ERBB4: variants seen among roughly 807,000 people sequenced by gnomAD.
The protein encoded by ERBB4 is receptor tyrosine-protein kinase erbB-4.
In ERBB4, 42 loss-of-function variants were observed where a neutral mutation model predicts 158.0. That is an observed-to-expected ratio of 0.27 (90% CI 0.21 to 0.34). The LOEUF is 0.34. Ranked by LOEUF, ERBB4 falls within the 10% of genes least tolerant of loss-of-function variation. ERBB4 has a pLI of 1.00. For synonymous variants in ERBB4, 583 were observed against 558.7 expected (o/e 1.04, Z -0.61); for missense variants, 1,333 against 1,624.1 (o/e 0.82, Z 3.08).
rs574175482 is a variant in ERBB4, at chr2:211,517,292, A to G, written c.2487+44611T>C. On this transcript the variant is annotated intron_variant, in intron 20 of 27. Coordinates refer to ENST00000342788, the MANE Select transcript of ERBB4 (RefSeq NM_005235.3). ...CCTTATCTGAAATAGTGATAATGATACCTTCTCATTCAATTTTTATAAAGT... is the reference window on the plus strand; with the variant it reads ...CCTTATCTGAAATAGTGATAATGATGCCTTCTCATTCAATTTTTATAAAGT... Among the ~76,000 whole-genome samples the G allele has an allele frequency of 1.2e-4, 19 of 152,242 alleles. No homozygotes were observed. In the East Asian group the frequency reaches 3.7e-3, roughly 29 times the overall value.
intron 2 of ERBB4, among the ~76,000 whole-genome samples, chr2:212,006,989 A>G (rs977450886): frequency 1.3e-5 from 2 of 152,042 alleles, no homozygotes; most frequent in Non-Finnish European, 2.9e-5. Context: ...TAATAATTCA[A>G]CTTCAAATGA....
intron 1 of ERBB4, among the ~76,000 whole-genome samples, chr2:212,159,652 G>C (rs929577794): frequency 6.6e-5 from 10 of 151,644 alleles, no homozygotes; most frequent in African/African-American, 2.4e-4. Flanking sequence ...ATCCTCACTG[G>C]TGCATTAATG....
chr2:212,180,672 T>A (rs914968718), intron 1 of ERBB4, among the ~76,000 whole-genome samples: 1 of 151,726 alleles, frequency 6.6e-6, no homozygotes, highest in Non-Finnish European at 1.5e-5. Context: ...TTTTCTCTAA[T>A]GTCACCAATT....
At chr2:211,844,111 CTA>C (rs1340501411) in intron 3 of ERBB4, among the ~76,000 whole-genome samples, 1 of 145,530 alleles carries the variant, frequency 6.9e-6, no homozygotes, top group Non-Finnish European at 1.5e-5. Flanking sequence ...ATTTCAAGTT[CTA>C]TGTTAGTGTG....
At chr2:211,776,205 C>T (rs2075870713) in intron 4 of ERBB4, among the ~76,000 whole-genome samples, 1 of 152,152 alleles carries the variant, frequency 6.6e-6, no homozygotes, top group Non-Finnish European at 1.5e-5. Context: ...GAGTTTTTTA[C>T]AACTTAGATG....
intron 1 of ERBB4, among the ~76,000 whole-genome samples, chr2:212,421,499 A>G (rs2091791830): frequency 1.3e-5 from 2 of 152,194 alleles, no homozygotes; most frequent in African/African-American, 4.8e-5. Context: ...CAAGTAGTAC[A>G]AAATGTTCAA....
At chr2:212,178,513 T>C (rs183517171) in intron 1 of ERBB4, among the ~76,000 whole-genome samples, 1 of 151,920 alleles carries the variant, frequency 6.6e-6, no homozygotes, top group African/African-American at 2.4e-5. Context: ...CCACTAGGTT[T>C]CAGTAACTTT....
intron 14 of ERBB4, among the ~76,000 whole-genome samples, chr2:211,668,977 C>T (rs1004258468): frequency 7.9e-5 from 12 of 152,028 alleles, no homozygotes; most frequent in Non-Finnish European, 1.6e-4. Context: ...AATCCCAGCA[C>T]TTTGGGAGGC....
chr2:211,487,825 A>G (rs372624390), intron 20 of ERBB4, among the ~76,000 whole-genome samples: 1 of 152,092 alleles, frequency 6.6e-6, no homozygotes, highest in East Asian at 1.9e-4. Flanking sequence ...GAGCTACACA[A>G]TAACCACTGG....
At chr2:212,203,609 C>A (rs996909151) in intron 1 of ERBB4, among the ~76,000 whole-genome samples, 1 of 152,168 alleles carries the variant, frequency 6.6e-6, no homozygotes, top group African/African-American at 2.4e-5. Context: ...GATGTGTGTA[C>A]ATATTTTGGC....
intron 3 of ERBB4, among the ~76,000 whole-genome samples, chr2:211,920,482 A>G (rs2079829137): frequency 6.6e-6 from 1 of 151,968 alleles, no homozygotes; most frequent in African/African-American, 2.4e-5. Flanking sequence ...TATTACTCCC[A>G]ACATACAGCC....
intron 1 of ERBB4, among the ~76,000 whole-genome samples, chr2:212,324,471 G>GT (rs66929090): frequency 0.94 from 138,350 of 146,854 alleles, 65,674 homozygotes; most frequent in African/African-American, 0.99. Flanking sequence ...AGGAGCAGCG[G>GT]GTTTTTTGTT....
rs978793661 is a variant in ERBB4 at position 211,966,972 on chromosome 2, C to T, written c.235-19356G>A. 1.7e-4 allele frequency among the ~76,000 whole-genome samples: 26 copies of T among 151,978 alleles called. 1 individual carries two copies. Among genetic ancestry groups the T allele is most frequent in the Admixed American group, 1.4e-3 (22 of 15,250 alleles). ...TATAATGGCAATGTCCTCTACAGTG[C>T]CTAACGTTATACTTTATATATAATG... On this transcript the variant is annotated intron_variant, in intron 2 of 27. Coordinates refer to ENST00000342788, the MANE Select transcript of ERBB4 (RefSeq NM_005235.3).
intron 4 of ERBB4, among the ~76,000 whole-genome samples, chr2:211,768,359 G>A (rs1343105236): frequency 6.6e-6 from 1 of 152,130 alleles, no homozygotes; most frequent in Non-Finnish European, 1.5e-5. Context: ...TACCATTCTG[G>A]GGTCCAAAGG....
chr2:211,688,655 G>A (rs1220906440), intron 12 of ERBB4, among the ~76,000 whole-genome samples: 9 of 152,084 alleles, frequency 5.9e-5, no homozygotes, highest in African/African-American at 1.7e-4. Flanking sequence ...AATGCAAAGT[G>A]GGATTACTTG....
rs151044928 is a variant in ERBB4, at chr2:212,514,478, T to C, written c.82+23971A>G. 2.8e-3 allele frequency among the ~76,000 whole-genome samples: 425 copies of C among 152,338 alleles called. 3 individuals are homozygous for C. The highest frequency in any genetic ancestry group is 9.5e-3 in the African/African-American group (395 of 41,588). ...TCATGTATACCCATGAAATATTATA[T>C]ACATACATCAACTCTAGTAATGTGT... On this transcript the variant is annotated intron_variant, in intron 1 of 27. Transcript: ENST00000342788.
At chr2:211,667,098 A>C (rs540090558) in intron 14 of ERBB4, among the ~76,000 whole-genome samples, 1 of 151,438 alleles carries the variant, frequency 6.6e-6, no homozygotes, top group South Asian at 2.1e-4. Flanking sequence ...GATGAGCCAA[A>C]AAAAAAAAAA....
chr2:212,233,311 T>C (rs62182607), intron 1 of ERBB4, among the ~76,000 whole-genome samples: 23,277 of 152,096 alleles, frequency 0.15, 2,184 homozygotes, highest in Non-Finnish European at 0.2. Context: ...CCAAGACTTA[T>C]GTGGTGAGGT....
chr2:212,537,530 G>A (rs1342589572), intron 1 of ERBB4, among the ~76,000 whole-genome samples: 1 of 152,004 alleles, frequency 6.6e-6, no homozygotes, highest in Non-Finnish European at 1.5e-5. Context: ...CCTGGGGCTC[G>A]AGCTCTCCAG....
Sources: allele counts gnomAD v4.1 joint callset (sites outside exome capture counted in the v4.1 genomes callset), GRCh38; gene constraint gnomAD v4.1.1; transcripts MANE v1.5; gene names NCBI Gene and HGNC (gene_info 2026-07-23, HGNC 2026-07-21).